The following TRIM26 variants were observed in gnomAD, a reference collection of about 807,000 sequenced individuals.
TRIM26 encodes tripartite motif containing 26, also known as tripartite motif-containing protein 26.
TRIM26 carries 16 observed loss-of-function variants against 45.5 expected under a neutral mutation model. The observed-to-expected ratio is 0.35, with a 90% CI of 0.24 to 0.53. The LOEUF is 0.53. Ranked by LOEUF, TRIM26 falls within the 20% of genes least tolerant of loss-of-function variation. The pLI is 0.92. For synonymous variants in TRIM26, 273 were observed against 290.4 expected (o/e 0.94, Z 0.61); for missense variants, 442 against 691.1 (o/e 0.64, Z 4.04).
chr6:30,190,313 C>T lies in TRIM26; in HGVS notation c.766-278G>A, dbSNP rs527453395. The T allele has an allele frequency of 1.3e-5, 7 of 549,310 alleles. No individual in the cohort carries two copies. The highest frequency in any genetic ancestry group is 6.1e-5 in the East Asian group (2 of 32,752). 34.0% of individuals were successfully genotyped at this position (549,310 alleles called of 1,614,324 possible). A position where few individuals can be genotyped will look rare whatever the true frequency, so the allele number is the denominator to read the frequency against. The stretch of plus-strand genomic sequence containing the variant: ...GAATTGACGGATAAGAAGTACTGGC[C>T]GGATGAAGAGAGGTAAGGTAAAACA... On this transcript the variant is annotated intron_variant, in intron 6 of 9. Transcript: ENST00000454678. The surrounding 1 kb of genome is among the most constrained non-coding windows in gnomAD (Gnocchi z 4.3).
rs372833631 is a variant in TRIM26 at position 30,186,242 on chromosome 6, C to T, written c.1254G>A (p.Ser418=). ...DDWETDEDEE[S]LGDEEEEEEE... ...CCTCTTCTTCCTCTTCATCGCCCAACGATTCCTCATCTTCGTCCGTTTCCC... is the reference window on the plus strand; with the variant it reads ...CCTCTTCTTCCTCTTCATCGCCCAATGATTCCTCATCTTCGTCCGTTTCCC... Residue 418 remains serine, a synonymous_variant, in exon 10 of 10, where the codon TCG becomes TCA. Transcript: ENST00000454678. The surrounding 1 kb of genome is among the most constrained non-coding windows in gnomAD (Gnocchi z 7.4). 2.3e-4 allele frequency: 374 copies of T among 1,600,816 alleles called. No homozygotes were observed. The highest frequency in any genetic ancestry group is 8.2e-4 in the Middle Eastern group (5 of 6,076).
chr6:30,186,190 T>C lies in TRIM26; in HGVS notation c.1306A>G (p.Ser436Gly). 2 of 1,597,644 alleles carry C rather than the reference T, an allele frequency of 1.3e-6. No individual in the cohort carries two copies. The highest frequency in any genetic ancestry group is 1.7e-6 in the Non-Finnish European group (2 of 1,171,646). The change falls in exon 10 of 10, where the codon AGC (serine) becomes GGC (glycine). Residue 436 changes from serine (S) to glycine (G), a missense_variant. Physicochemically the swap from Ser to Gly is moderately conservative, Grantham distance 56. Coordinates refer to ENST00000454678, the MANE Select transcript of TRIM26 (RefSeq NM_003449.5). The surrounding 1 kb of genome is among the most constrained non-coding windows in gnomAD (Gnocchi z 7.4). Reference sequence around the variant, plus strand: ...TCTCTAGCCACCCCCACCATGCAGCTTTCCAGAACTTCCTCCTCTTCCTCC... The same window carrying C: ...TCTCTAGCCACCCCCACCATGCAGCCTTCCAGAACTTCCTCCTCTTCCTCC... ...EEEEEEEVLE[S>G]CMVGVARDSV...
chr6:30,188,535 C>T (rs1285671245), intron 9 of TRIM26: 1 of 251,686 alleles, frequency 4.0e-6, no homozygotes, highest in African/African-American at 2.2e-5. Context: ...AAGGTTTAAC[C>T]ACTGCTAACT....
At chr6:30,191,575 G>A (rs1775849382) in intron 6 of TRIM26, among the ~76,000 whole-genome samples, 1 of 152,144 alleles carries the variant, frequency 6.6e-6, no homozygotes, top group Non-Finnish European at 1.5e-5. Flanking sequence ...GCAGGGGCCG[G>A]TGGGGTGCAG....
At chr6:30,187,507 C>T in intron 9 of TRIM26, 1 of 524,844 alleles carries the variant, frequency 1.9e-6, no homozygotes, top group South Asian at 1.4e-5. Context: ...CCTTTTGCAG[C>T]TTGATCTTTA....
rs1775160067 is a variant in TRIM26 at position 30,186,224 on chromosome 6, TTCC to T, written c.1269_1271del (p.Glu432del). The T allele has an allele frequency of 6.3e-7, 1 of 1,598,152 alleles. No homozygotes were observed. The highest frequency in any genetic ancestry group is 8.5e-7 in the Non-Finnish European group (1 of 1,171,986). ...CTTCCTCCTCTTCCTCCTCCTCTTC[TTCC>T]TCTTCATCGCCCAACGATTCCTCAT... On this transcript the variant is annotated inframe_deletion, in exon 10 of 10. Transcript: ENST00000454678. This position sits in a 1 kb window ranked among gnomAD's most constrained non-coding sequence, Gnocchi z 7.4.
intron 6 of TRIM26, among the ~76,000 whole-genome samples, chr6:30,191,496 A>T (rs766157802): frequency 1.3e-5 from 2 of 151,300 alleles, no homozygotes; most frequent in Non-Finnish European, 1.5e-5. Flanking sequence ...TAATCAATGT[A>T]GCAAATACAT....
intron 2 of TRIM26, among the ~76,000 whole-genome samples, chr6:30,202,140 T>C (rs1777242363): frequency 7.0e-6 from 1 of 142,420 alleles, no homozygotes; most frequent in Admixed American, 6.9e-5. Context: ...ATAAGAACAA[T>C]AAAAGGACTA....
chr6:30,188,726 C>T lies in TRIM26; in HGVS notation c.937+441G>A, dbSNP rs139181903. The T allele has an allele frequency of 4.1e-3, 739 of 179,464 alleles. 2 individuals are homozygous for T. The highest frequency in any genetic ancestry group is 0.012 in the African/African-American group (491 of 42,266). 11.1% of individuals were successfully genotyped at this position (179,464 alleles called of 1,614,324 possible). The stretch of plus-strand genomic sequence containing the variant: ...TTCACATCTTGGTCTATGTGGATGG[C>T]GCTCCTTGGTGGTTGGTATGCAGTG... On this transcript the variant is annotated intron_variant, in intron 9 of 9. Transcript: ENST00000454678.
At chr6:30,208,912 G>C (rs999690251) in intron 1 of TRIM26, among the ~76,000 whole-genome samples, 104 of 133,622 alleles carry the variant, frequency 7.8e-4, no homozygotes, top group East Asian at 6.3e-3. Flanking sequence ...ATATGTGTGT[G>C]TGTGTGTGTG....
At chr6:30,212,089 T>C (rs935293438) in intron 1 of TRIM26, among the ~76,000 whole-genome samples, 2 of 152,232 alleles carry the variant, frequency 1.3e-5, no homozygotes, top group Admixed American at 6.5e-5. Flanking sequence ...ATCATGTTAG[T>C]ACATGCCCTT....
At chr6:30,200,650 G>A (rs1777071417) in intron 3 of TRIM26, among the ~76,000 whole-genome samples, 1 of 152,214 alleles carries the variant, frequency 6.6e-6, no homozygotes, top group Non-Finnish European at 1.5e-5. Context: ...TTGTAGTCCT[G>A]ACCCAGTTCC....
rs747399185 is a variant in TRIM26, at chr6:30,198,619, C to A, written c.438+47G>T. ...GTCCTCTGAGGACTGCAAGGTGGAGCATCCAGAGAAGGTGGCAAGGCACCC... is the reference window on the plus strand; with the variant it reads ...GTCCTCTGAGGACTGCAAGGTGGAGAATCCAGAGAAGGTGGCAAGGCACCC... On this transcript the variant is annotated intron_variant, in intron 4 of 9. Transcript: ENST00000454678. The surrounding 1 kb of genome is among the most constrained non-coding windows in gnomAD (Gnocchi z 6.3). 1 of 1,606,520 alleles carries A rather than the reference C, an allele frequency of 6.2e-7. No individual in the cohort carries two copies. The highest frequency in any genetic ancestry group is 8.5e-7 in the Non-Finnish European group (1 of 1,176,660).
Position 30,198,841 on chromosome 6 carries a change from T to C in TRIM26, c.263A>G (p.Gln88Arg). ...CTGCTCCCGGGTCACCTCTCCCGGC[T>C]GCCTGCCCTTGTCCACCTTCAGCCG... ...IERLKVDKGR[Q>R]PGEVTREQQD... The change falls in exon 4 of 10, where the codon CAG becomes CGG. Residue 88 changes from glutamine to arginine, a missense_variant. Gln to Arg is a conservative substitution (Grantham distance 43, BLOSUM62 1). Coordinates refer to ENST00000454678, the MANE Select transcript of TRIM26 (RefSeq NM_003449.5). The surrounding 1 kb of genome is among the most constrained non-coding windows in gnomAD (Gnocchi z 6.3). The C allele has an allele frequency of 2.5e-6, 4 of 1,612,906 alleles. No homozygotes were observed. Among genetic ancestry groups the C allele is most frequent in the Non-Finnish European group, 3.4e-6 (4 of 1,180,016 alleles).
chr6:30,203,124 ACCTCGG>A (rs1243491093), intron 2 of TRIM26, among the ~76,000 whole-genome samples: 3 of 150,030 alleles, frequency 2.0e-5, no homozygotes, highest in Non-Finnish European at 3.0e-5. Flanking sequence ...GCTCACTGCA[ACCTCGG>A]CCTCCCTGGC....
intron 3 of TRIM26, among the ~76,000 whole-genome samples, chr6:30,200,448 C>A (rs1245444511): frequency 1.3e-5 from 2 of 152,192 alleles, no homozygotes; most frequent in Non-Finnish European, 2.9e-5. Flanking sequence ...TAATTTGCTT[C>A]CCCTAGAAGG....
At chr6:30,200,533 G>A (rs184978598) in intron 3 of TRIM26, among the ~76,000 whole-genome samples, 68 of 152,284 alleles carry the variant, frequency 4.5e-4, no homozygotes, top group African/African-American at 1.0e-3. Flanking sequence ...TAACTGCCTC[G>A]TCTAGATGGC....
At chr6:30,194,468 T>G (rs76323497) in intron 6 of TRIM26, among the ~76,000 whole-genome samples, 2,283 of 152,304 alleles carry the variant, frequency 0.015, 55 homozygotes, top group African/African-American at 0.051. Flanking sequence ...GAGAGGATTT[T>G]GAATGTTCCA....
chr6:30,185,717 G>T lies in TRIM26; in HGVS notation c.*159C>A. Reference sequence around the variant, plus strand: ...TAGATGGAGCAACAGCACTGAGTGAGATTTCAGGGGGCCACAGCAATGGGG... The same window carrying T: ...TAGATGGAGCAACAGCACTGAGTGATATTTCAGGGGGCCACAGCAATGGGG... On this transcript the variant is annotated 3_prime_UTR_variant, in exon 10 of 10. Transcript: ENST00000454678. The surrounding 1 kb of genome is among the most constrained non-coding windows in gnomAD (Gnocchi z 5.7). 1.3e-6 allele frequency: 1 copy of T among 783,974 alleles called. No homozygotes were observed. Among genetic ancestry groups the T allele is most frequent in the Non-Finnish European group, 2.0e-6 (1 of 495,270 alleles). 48.6% of individuals were successfully genotyped at this position (783,974 alleles called of 1,614,324 possible).
Sources: allele counts gnomAD v4.1 joint callset (sites outside exome capture counted in the v4.1 genomes callset), GRCh38; gene constraint gnomAD v4.1.1; non-coding constraint Gnocchi (gnomAD v3.1); transcripts MANE v1.5; gene names NCBI Gene and HGNC (gene_info 2026-07-23, HGNC 2026-07-21).